Variants in HS6ST3 observed in about 807,000 individuals in gnomAD.
HS6ST3 encodes heparan sulfate 6-O-sulfotransferase 3.
In HS6ST3, 12 loss-of-function variants were observed where a neutral mutation model predicts 36.7. The observed-to-expected ratio is 0.33, with a 90% CI of 0.21 to 0.53. The LOEUF is 0.53. HS6ST3 is among the 20% of genes least tolerant of loss of function. HS6ST3 has a pLI of 0.95. For synonymous variants in HS6ST3, 240 were observed against 257.5 expected, an observed-to-expected ratio of 0.93 and a Z score of 0.65; for missense variants, 584 against 640.9, an observed-to-expected ratio of 0.91 and a Z score of 0.96.
At chr13:96,253,461 T>TA (rs771675268) in intron 1 of HS6ST3, among the ~76,000 whole-genome samples, 1 of 152,192 alleles carries the variant, frequency 6.6e-6, no homozygotes, top group Non-Finnish European at 1.5e-5. Flanking sequence ...CTGCTGTCCT[T>TA]ACTCTCTGCC....
chr13:96,285,835 T>C (rs1187074100), intron 1 of HS6ST3, among the ~76,000 whole-genome samples: 1 of 152,080 alleles, frequency 6.6e-6, no homozygotes, highest in Non-Finnish European at 1.5e-5. Context: ...AGTTATCAGA[T>C]TGATATCTAT....
At chr13:96,519,144 T>C (rs1244901376) in intron 1 of HS6ST3, among the ~76,000 whole-genome samples, 1 of 152,216 alleles carries the variant, frequency 6.6e-6, no homozygotes, top group East Asian at 1.9e-4. Flanking sequence ...AGAAGATGTG[T>C]TCTTAGGGAC....
At chr13:96,254,105 A>G (rs918246581) in intron 1 of HS6ST3, among the ~76,000 whole-genome samples, 3 of 152,010 alleles carry the variant, frequency 2.0e-5, no homozygotes, top group African/African-American at 4.8e-5. Context: ...TCCACCATAG[A>G]GCAAATTGGT....
intron 1 of HS6ST3, among the ~76,000 whole-genome samples, chr13:96,693,709 A>T (rs995711409): frequency 6.6e-5 from 10 of 152,160 alleles, no homozygotes; most frequent in African/African-American, 2.2e-4. Flanking sequence ...ACCTAGGAGG[A>T]ATTAGGCAGA....
At chr13:96,527,793 A>G (rs962992575) in intron 1 of HS6ST3, among the ~76,000 whole-genome samples, 2 of 152,180 alleles carry the variant, frequency 1.3e-5, no homozygotes, top group African/African-American at 4.8e-5. Flanking sequence ...GGAGAGTGGT[A>G]GCAGATGCCG....
intron 1 of HS6ST3, among the ~76,000 whole-genome samples, chr13:96,675,987 CT>C (rs1307530630): frequency 2.6e-5 from 4 of 152,084 alleles, no homozygotes; most frequent in Non-Finnish European, 4.4e-5. Context: ...GTCAGTCAGC[CT>C]AGAGATGAGT....
intron 1 of HS6ST3, among the ~76,000 whole-genome samples, chr13:96,521,022 CCAT>C (rs1430689331): frequency 6.6e-6 from 1 of 152,070 alleles, no homozygotes; most frequent in Non-Finnish European, 1.5e-5. Flanking sequence ...GAGATATGTT[CCAT>C]AGATAACTAG....
intron 1 of HS6ST3, among the ~76,000 whole-genome samples, chr13:96,366,979 G>A (rs545115059): frequency 3.3e-5 from 5 of 152,196 alleles, no homozygotes; most frequent in East Asian, 1.9e-4. Flanking sequence ...GCCTTCTGCC[G>A]TGACAGTGAG....
At chr13:96,686,448 C>T (rs374061189) in intron 1 of HS6ST3, among the ~76,000 whole-genome samples, 8 of 151,998 alleles carry the variant, frequency 5.3e-5, no homozygotes, top group Non-Finnish European at 1.2e-4. Context: ...TCATTGAATG[C>T]AAGGTAACTG....
chr13:96,698,859 G>T (rs576731284), intron 1 of HS6ST3, among the ~76,000 whole-genome samples: 1 of 152,248 alleles, frequency 6.6e-6, no homozygotes, highest in Non-Finnish European at 1.5e-5. Context: ...ATACTACAAG[G>T]CTACAGTAAC....
intron 1 of HS6ST3, among the ~76,000 whole-genome samples, chr13:96,453,341 C>A (rs2055739129): frequency 6.6e-6 from 1 of 152,120 alleles, no homozygotes. Flanking sequence ...CCCTCTCCAA[C>A]TCTCTCACCT....
At chr13:96,303,852 T>C (rs1003710251) in intron 1 of HS6ST3, among the ~76,000 whole-genome samples, 1 of 152,134 alleles carries the variant, frequency 6.6e-6, no homozygotes, top group African/African-American at 2.4e-5. Flanking sequence ...AGCTTAAAAA[T>C]ATGACTTGGG....
At chr13:96,348,645 A>G (rs1240576640) in intron 1 of HS6ST3, among the ~76,000 whole-genome samples, 1 of 152,232 alleles carries the variant, frequency 6.6e-6, no homozygotes, top group African/African-American at 2.4e-5. Flanking sequence ...TTTTACAAGG[A>G]CTGCAGGCAT....
At position 96,417,776 on chromosome 13, in the gene HS6ST3, ATTATT is replaced by A. The variant is rs1275331905; in HGVS notation, c.707+326208_707+326212del. ...CACACACACATAATAGTCTATCCTCATTATTCACGGTAACGATGTTCTATAAAGTT... is the reference window on the plus strand; with the variant it reads ...CACACACACATAATAGTCTATCCTCACACGGTAACGATGTTCTATAAAGTT... On this transcript the variant is annotated intron_variant, in intron 1 of 1. Coordinates refer to ENST00000376705, the MANE Select transcript of HS6ST3 (RefSeq NM_153456.4). Among the ~76,000 whole-genome samples the A allele has an allele frequency of 2.7e-5, 4 of 147,662 alleles. No homozygotes were observed. The South Asian group carries it at 8.7e-4, about 32-fold the overall frequency.
chr13:96,675,414 T>C (rs1303203375), intron 1 of HS6ST3, among the ~76,000 whole-genome samples: 1 of 152,110 alleles, frequency 6.6e-6, no homozygotes, highest in African/African-American at 2.4e-5. Flanking sequence ...TTTATATATG[T>C]GTGTTTGTCG....
Position 96,091,018 on chromosome 13 carries a change from G to A in HS6ST3, c.156G>A (p.Pro52=), listed in dbSNP as rs369188738. 88 of 1,265,842 alleles carry A rather than the reference G, an allele frequency of 7.0e-5. No individual in the cohort carries two copies. The highest frequency in any genetic ancestry group is 5.5e-4 in the East Asian group (18 of 32,612). The allele number at this position is 1,265,842 out of a possible 1,614,324, so 78.4% of individuals were successfully genotyped here. A position where few individuals can be genotyped will look rare whatever the true frequency, so the allele number is the denominator to read the frequency against. ...RAGEAGPPAV[P]GPARRAQAPP... is the part of the protein sequence containing the mutation. ...GGGAGGCCGGCCCGCCCGCCGTCCC[G>A]GGTCCCGCCCGCCGGGCTCAGGCGC... The change falls in exon 1 of 2, where the codon CCG becomes CCA. Residue 52 remains proline (P), a synonymous_variant. Transcript: ENST00000376705.
chr13:96,115,682 T>C (rs2053890828), intron 1 of HS6ST3, among the ~76,000 whole-genome samples: 1 of 152,218 alleles, frequency 6.6e-6, no homozygotes, highest in African/African-American at 2.4e-5. Context: ...ACTTTGCTAT[T>C]GTAAATAGTG....
chr13:96,093,905 C>T (rs956343326), intron 1 of HS6ST3, among the ~76,000 whole-genome samples: 1 of 152,100 alleles, frequency 6.6e-6, no homozygotes, highest in Non-Finnish European at 1.5e-5. Context: ...GGCAGATAAT[C>T]TATTGGTACA....
At chr13:96,392,701 G>A (rs1197607008) in intron 1 of HS6ST3, among the ~76,000 whole-genome samples, 1 of 152,194 alleles carries the variant, frequency 6.6e-6, no homozygotes, top group Admixed American at 6.5e-5. Context: ...TTAAAGAAGT[G>A]AAAATAATTG....
Sources: allele counts gnomAD v4.1 joint callset (sites outside exome capture counted in the v4.1 genomes callset), GRCh38; gene constraint gnomAD v4.1.1; transcripts MANE v1.5; gene names NCBI Gene and HGNC (gene_info 2026-07-23, HGNC 2026-07-21).